KCNT2: variants seen among roughly 807,000 people sequenced by gnomAD.
The protein encoded by KCNT2 is potassium sodium-activated channel subfamily T member 2.
KCNT2 carries 67 observed loss-of-function variants against 153.8 expected under a neutral mutation model. The observed-to-expected ratio is 0.44, with a 90% CI of 0.36 to 0.53. The LOEUF is 0.53. Ranked by LOEUF, KCNT2 falls within the 20% of genes least tolerant of loss-of-function variation. The pLI is 0.00. For synonymous variants in KCNT2, 500 were observed against 458.8 expected, an observed-to-expected ratio of 1.09 and a Z score of -1.15; for missense variants, 975 against 1,354.8, an observed-to-expected ratio of 0.72 and a Z score of 4.40.
chr1:196,270,329 G>A (rs1006242422), intron 25 of KCNT2, among the ~76,000 whole-genome samples: 1 of 151,814 alleles, frequency 6.6e-6, no homozygotes, highest in Admixed American at 6.6e-5. Flanking sequence ...ATTAAAGAAC[G>A]GTTTCTGTAA....
intron 1 of KCNT2, among the ~76,000 whole-genome samples, chr1:196,562,298 C>T (rs916071129): frequency 6.6e-6 from 1 of 151,902 alleles, no homozygotes; most frequent in African/African-American, 2.4e-5. Flanking sequence ...TACCTTATTG[C>T]TACAAAAAGT....
At chr1:196,275,275 A>G (rs539838539) in intron 25 of KCNT2, among the ~76,000 whole-genome samples, 25 of 151,926 alleles carry the variant, frequency 1.6e-4, no homozygotes, top group African/African-American at 6.0e-4. Flanking sequence ...CTGAACTGAA[A>G]ACACATAGAT....
intron 8 of KCNT2, among the ~76,000 whole-genome samples, chr1:196,448,799 A>G (rs1267293807): frequency 6.6e-6 from 1 of 151,696 alleles, no homozygotes; most frequent in Non-Finnish European, 1.5e-5. Flanking sequence ...TTCAAATCTA[A>G]TGACTTTTTT....
chr1:196,505,259 G>C (rs900278329), intron 1 of KCNT2, among the ~76,000 whole-genome samples: 1 of 152,058 alleles, frequency 6.6e-6, no homozygotes, highest in Non-Finnish European at 1.5e-5. Flanking sequence ...ATTAATTTTT[G>C]TATAAGGTGT....
intron 8 of KCNT2, among the ~76,000 whole-genome samples, chr1:196,456,314 A>C (rs1676670236): frequency 6.6e-6 from 1 of 151,350 alleles, no homozygotes; most frequent in Non-Finnish European, 1.5e-5. Context: ...TCCATTATTG[A>C]TTTACTGACA....
At chr1:196,326,563 T>C (rs1041140163) in intron 19 of KCNT2, among the ~76,000 whole-genome samples, 154 bp downstream of exon 19, 9 of 152,156 alleles carry the variant, frequency 5.9e-5, no homozygotes, top group African/African-American at 1.4e-4. Flanking sequence ...ATATATTTTG[T>C]ATCACAGCAC....
intron 11 of KCNT2, among the ~76,000 whole-genome samples, chr1:196,423,384 A>G (rs1200902963): frequency 1.3e-5 from 2 of 151,878 alleles, no homozygotes; most frequent in Admixed American, 6.6e-5. Context: ...TGTATGATTA[A>G]ATATATTTTA....
At chr1:196,595,683 T>C (rs889343066) in intron 1 of KCNT2, among the ~76,000 whole-genome samples, 7 of 152,178 alleles carry the variant, frequency 4.6e-5, no homozygotes, top group Non-Finnish European at 1.0e-4. Flanking sequence ...TGTAGTAGGC[T>C]TTTAATTTTT....
At chr1:196,345,895 G>A (rs1409991514) in intron 14 of KCNT2, among the ~76,000 whole-genome samples, 2 of 152,012 alleles carry the variant, frequency 1.3e-5, no homozygotes, top group African/African-American at 2.4e-5. Flanking sequence ...GACATCATGG[G>A]GAAATCTTAA....
chr1:196,556,968 G>T (rs184928030), intron 1 of KCNT2, among the ~76,000 whole-genome samples: 20 of 151,328 alleles, frequency 1.3e-4, no homozygotes, highest in Non-Finnish European at 5.9e-5. Flanking sequence ...TGGAAGGATG[G>T]TTACTGGATG....
At chr1:196,236,271 C>A (rs112381584) in intron 26 of KCNT2, among the ~76,000 whole-genome samples, 2 of 151,116 alleles carry the variant, frequency 1.3e-5, no homozygotes, top group African/African-American at 4.8e-5. Flanking sequence ...ATTTTTTGTT[C>A]CAATAGATGA....
chr1:196,445,536 T>A (rs955696208), intron 8 of KCNT2, among the ~76,000 whole-genome samples: 1 of 151,416 alleles, frequency 6.6e-6, no homozygotes, highest in Admixed American at 6.6e-5. Flanking sequence ...TAAGACTGAC[T>A]CTTATTTTTA....
chr1:196,356,888 A>G (rs148037656), intron 14 of KCNT2, among the ~76,000 whole-genome samples: 29 of 151,930 alleles, frequency 1.9e-4, no homozygotes, highest in South Asian at 1.0e-3. Flanking sequence ...GAAAAAAAAA[A>G]TGCTGACACC....
At chr1:196,455,444 C>T (rs1323499032) in intron 8 of KCNT2, among the ~76,000 whole-genome samples, 1 of 151,900 alleles carries the variant, frequency 6.6e-6, no homozygotes. Flanking sequence ...AATTTTAGCA[C>T]TATATGCTGA....
Position 196,225,903 on chromosome 1 carries a change from T to C in KCNT2, c.*2321A>G, listed in dbSNP as rs988771493. 1 of 152,150 alleles carries C rather than the reference T, an allele frequency of 6.6e-6. No individual in the cohort carries two copies. Among genetic ancestry groups the C allele is most frequent in the Non-Finnish European group, 1.5e-5 (1 of 67,980 alleles). The allele number at this position is 152,150 out of a possible 1,614,324, so 9.4% of individuals were successfully genotyped here. A position where few individuals can be genotyped will look rare whatever the true frequency, so the allele number is the denominator to read the frequency against. ...GCTACAAGGACTATTATTGACTTTA[T>C]ATTTTATTTTCATGTGCAAGTATAA... On this transcript the variant is annotated 3_prime_UTR_variant, in exon 28 of 28. Coordinates refer to ENST00000294725, the MANE Select transcript of KCNT2 (RefSeq NM_198503.5).
At chr1:196,281,110 T>C in intron 24 of KCNT2, 122 bp from the exon 25 acceptor site, 1 of 720,532 alleles carries the variant, frequency 1.4e-6, no homozygotes, top group Non-Finnish European at 2.3e-6. Context: ...TCACCCAGGC[T>C]ACAGTGCAAC....
chr1:196,439,420 T>A (rs1363389269), intron 8 of KCNT2, among the ~76,000 whole-genome samples: 1 of 151,976 alleles, frequency 6.6e-6, no homozygotes, highest in Non-Finnish European at 1.5e-5. Context: ...TCACATACTT[T>A]AATAATTCCA....
At chr1:196,556,072 T>C (rs1372255788) in intron 1 of KCNT2, among the ~76,000 whole-genome samples, 1 of 151,224 alleles carries the variant, frequency 6.6e-6, no homozygotes, top group East Asian at 1.9e-4. Context: ...CTGGGGAAAC[T>C]CTCCAGAACA....
At chr1:196,363,559 T>C (rs1165244913) in intron 14 of KCNT2, among the ~76,000 whole-genome samples, 1 of 152,140 alleles carries the variant, frequency 6.6e-6, no homozygotes, top group Non-Finnish European at 1.5e-5. Context: ...CCTTATTAGT[T>C]CATAGGGCTC....
Sources: gnomAD v4.1 joint callset for allele counts (sites outside exome capture counted in the v4.1 genomes callset) on GRCh38, gnomAD v4.1.1 for gene constraint, MANE v1.5 for transcripts, NCBI Gene and HGNC (gene_info 2026-07-23, HGNC 2026-07-21) for gene names.